The following IQCM variants were observed in gnomAD, a reference collection of about 807,000 sequenced individuals.
IQCM encodes the protein IQ motif containing M, also known as IQ domain-containing protein M.
Under a neutral mutation model 57.6 loss-of-function variants are expected in IQCM, and 45 were observed. The observed-to-expected ratio is 0.78, with a 90% confidence interval of 0.62 to 1.00. The LOEUF (loss-of-function observed/expected upper bound fraction) is 1.00, where lower values mean the gene tolerates loss of function less well. Ranked by LOEUF, IQCM falls within the 50% of genes least tolerant of loss-of-function variation. IQCM has a pLI of 0.00. For synonymous variants in IQCM, 148 were observed against 158.9 expected (o/e 0.93, Z 0.51); for missense variants, 468 against 511.6 (o/e 0.91, Z 0.82).
chr4:149,502,151 T>TATAC (rs150638237), intron 12 of IQCM, among the ~76,000 whole-genome samples: 31,051 of 149,246 alleles, frequency 0.21, 3,907 homozygotes, highest in Non-Finnish European at 0.28. Context: ...TATATATATA[T>TATAC]ACACACACAC....
chr4:149,514,122 A>T (rs947269447), intron 12 of IQCM, among the ~76,000 whole-genome samples: 8 of 152,182 alleles, frequency 5.3e-5, no homozygotes, highest in Admixed American at 3.9e-4. Context: ...TTCTTAAACT[A>T]ACTGCATTAT....
chr4:149,401,435 T>C (rs1351370076), intron 13 of IQCM, among the ~76,000 whole-genome samples: 1 of 151,812 alleles, frequency 6.6e-6, no homozygotes, highest in Non-Finnish European at 1.5e-5. Context: ...TTTCACACAA[T>C]TTCAGGAGAT....
intron 2 of IQCM, among the ~76,000 whole-genome samples, chr4:149,770,470 A>C (rs1348187566): frequency 6.6e-6 from 1 of 152,050 alleles, no homozygotes; most frequent in Non-Finnish European, 1.5e-5. Flanking sequence ...AAAACCAGAG[A>C]TACATTACAA....
At chr4:149,484,982 T>C (rs571871971) in intron 12 of IQCM, among the ~76,000 whole-genome samples, 6 of 152,106 alleles carry the variant, frequency 3.9e-5, no homozygotes, top group African/African-American at 1.2e-4. Flanking sequence ...AGGGTAAAAG[T>C]TTTTTGTTTC....
At chr4:149,567,537 G>A (rs894717006) in intron 9 of IQCM, among the ~76,000 whole-genome samples, 5 of 151,822 alleles carry the variant, frequency 3.3e-5, no homozygotes, top group African/African-American at 1.2e-4. Flanking sequence ...CAGTAGAGAC[G>A]GGGTTTTGCT....
chr4:149,494,891 G>A (rs1742492200), intron 12 of IQCM, among the ~76,000 whole-genome samples: 1 of 152,110 alleles, frequency 6.6e-6, no homozygotes, highest in Admixed American at 6.6e-5. Context: ...AGGTTTCTTT[G>A]GCTGCTGGTT....
intron 2 of IQCM, 67 bp from the exon 3 acceptor site, chr4:149,742,806 C>A: frequency 1.4e-6 from 1 of 704,674 alleles, no homozygotes; most frequent in South Asian, 7.4e-5. Context: ...TTCTTTTGCT[C>A]ACTCATAGGT....
chr4:149,492,197 A>G (rs1157027565), intron 12 of IQCM, among the ~76,000 whole-genome samples: 1 of 152,112 alleles, frequency 6.6e-6, no homozygotes, highest in Middle Eastern at 3.4e-3. Flanking sequence ...CTCCCATTCC[A>G]TAGGGTTTTC....
chr4:149,520,490 T>C (rs184214109), intron 12 of IQCM, among the ~76,000 whole-genome samples: 80 of 152,184 alleles, frequency 5.3e-4, no homozygotes, highest in South Asian at 2.1e-3. Flanking sequence ...CAAATCCTTA[T>C]CAACAACACA....
chr4:149,438,074 T>C (rs1735541173), intron 12 of IQCM, among the ~76,000 whole-genome samples: 4 of 152,118 alleles, frequency 2.6e-5, no homozygotes, highest in South Asian at 4.1e-4. Context: ...ACTAGTGACC[T>C]TGGGTTATTA....
intron 7 of IQCM, among the ~76,000 whole-genome samples, chr4:149,667,214 G>A (rs908070590): frequency 1.1e-4 from 16 of 152,152 alleles, no homozygotes; most frequent in African/African-American, 2.4e-4. Flanking sequence ...CCTCTGGGAC[G>A]GAGCTTCCAG....
chr4:149,594,600 T>C (rs903652854), intron 8 of IQCM, among the ~76,000 whole-genome samples: 1 of 152,228 alleles, frequency 6.6e-6, no homozygotes, highest in African/African-American at 2.4e-5. Context: ...TTTAGTGCTA[T>C]AAATTTCCCT....
intron 7 of IQCM, among the ~76,000 whole-genome samples, chr4:149,654,751 CT>C (rs938303614): frequency 2.6e-5 from 4 of 152,088 alleles, no homozygotes; most frequent in Non-Finnish European, 4.4e-5. Flanking sequence ...CAAGCCTGAA[CT>C]GTCAATATGG....
rs1728608108 is a variant in IQCM, at chr4:149,351,754, T to C, written c.*197A>G. The C allele has an allele frequency of 2.7e-6, 1 of 371,080 alleles. No homozygotes were observed. The highest frequency in any genetic ancestry group is 4.8e-6 in the Non-Finnish European group (1 of 210,018). The allele number at this position is 371,080 out of a possible 1,614,324, so 23.0% of individuals were successfully genotyped here. On this transcript the variant is annotated 3_prime_UTR_variant, in exon 14 of 14. Transcript: ENST00000636793. The stretch of plus-strand genomic sequence containing the variant: ...TACTTCATTATGATAAAAGAGATGT[T>C]TTTTATGAAGGAGATCAAATGAATG...
chr4:149,698,549 T>C (rs1193486665), intron 5 of IQCM, among the ~76,000 whole-genome samples: 1 of 152,098 alleles, frequency 6.6e-6, no homozygotes, highest in Non-Finnish European at 1.5e-5. Context: ...ACCACGAAAC[T>C]TCAATGTGTG....
At chr4:149,739,465 TA>T (rs551213439) in intron 3 of IQCM, among the ~76,000 whole-genome samples, 1,131 of 54,856 alleles carry the variant, frequency 0.021, 12 homozygotes, top group African/African-American at 0.088. Flanking sequence ...AGTGTTTATA[TA>T]ATTTTTTTTT....
intron 9 of IQCM, among the ~76,000 whole-genome samples, chr4:149,581,409 T>G (rs1752169117): frequency 6.6e-6 from 1 of 151,604 alleles, no homozygotes; most frequent in Non-Finnish European, 1.5e-5. Flanking sequence ...TTTATAATGA[T>G]CTACAGGTCT....
At chr4:149,761,233 G>A (rs888282130) in intron 2 of IQCM, among the ~76,000 whole-genome samples, 7 of 151,916 alleles carry the variant, frequency 4.6e-5, no homozygotes, top group Middle Eastern at 3.2e-3. Flanking sequence ...CCCCTTAATC[G>A]TGGATCTATT....
chr4:149,368,598 A>G (rs541126380), intron 13 of IQCM, among the ~76,000 whole-genome samples: 20 of 151,496 alleles, frequency 1.3e-4, no homozygotes, highest in Admixed American at 3.3e-4. Context: ...CAAGGACATG[A>G]GAGATGAAAA....
Sources: gnomAD v4.1 joint callset for allele counts (sites outside exome capture counted in the v4.1 genomes callset) on GRCh38, gnomAD v4.1.1 for gene constraint, MANE v1.5 for transcripts, NCBI Gene and HGNC (gene_info 2026-07-23, HGNC 2026-07-21) for gene names.